The following MAN2A1 variants were observed in gnomAD, a reference collection of about 807,000 sequenced individuals.
The protein encoded by MAN2A1 is alpha-mannosidase 2.
A neutral mutation model predicts 142.6 loss-of-function variants in MAN2A1; 76 were observed. That is an observed-to-expected ratio of 0.53 (90% CI 0.44 to 0.65). The LOEUF (loss-of-function observed/expected upper bound fraction) is 0.65. MAN2A1 is among the 30% of genes least tolerant of loss of function. The pLI is 0.00. For missense variants in MAN2A1, 1,311 were observed against 1,365.1 expected (o/e 0.96, Z 0.62); for synonymous variants, 559 against 473.2 (o/e 1.18, Z -2.35).
At position 109,767,546 on chromosome 5, in the gene MAN2A1, C is replaced by T. The variant is rs746639051; in HGVS notation, c.847C>T (p.Arg283Trp). The change falls in exon 6 of 22, where the codon CGG becomes TGG. Residue 283 changes from arginine to tryptophan, a missense_variant. Physicochemically the swap from Arg to Trp is moderately radical, Grantham distance 101. This residue lies in a region of MAN2A1 where 409 missense variants were observed against 412.7 expected (regional missense o/e 0.99). Transcript: ENST00000261483. ...ATCTTTATCCACAGGAGTGAAACCT[C>T]GGTCCGGCTGGGCTATTGATCCCTT... Reference protein sequence around the residue: ...WLENNIGVKPRSGWAIDPFGH... With the variant: ...WLENNIGVKPWSGWAIDPFGH... 15 of 1,611,556 alleles carry T rather than the reference C, an allele frequency of 9.3e-6. No individual in the cohort carries two copies. Among genetic ancestry groups the T allele is most frequent in the Middle Eastern group, 1.7e-4 (1 of 6,046 alleles).
At chr5:109,801,035 CT>C (rs1754014919) in intron 12 of MAN2A1, among the ~76,000 whole-genome samples, 1 of 152,272 alleles carries the variant, frequency 6.6e-6, no homozygotes, top group South Asian at 2.1e-4. Flanking sequence ...CCCAATATGA[CT>C]TCTTGTATGT....
intron 8 of MAN2A1, among the ~76,000 whole-genome samples, chr5:109,780,815 A>G (rs1753436448): frequency 6.6e-6 from 1 of 152,048 alleles, no homozygotes; most frequent in African/African-American, 2.4e-5. Context: ...TTTAACTTCT[A>G]CTCAGTGTTA....
At chr5:109,828,573 T>G (rs564291224) in intron 16 of MAN2A1, among the ~76,000 whole-genome samples, 1 of 152,368 alleles carries the variant, frequency 6.6e-6, no homozygotes, top group East Asian at 1.9e-4. Flanking sequence ...TTTGAAGAAT[T>G]AGGTCACTGT....
At chr5:109,729,601 T>C in intron 4 of MAN2A1, 88 bp downstream of exon 4, 1 of 696,972 alleles carries the variant, frequency 1.4e-6, no homozygotes, top group Non-Finnish European at 2.2e-6. Flanking sequence ...TGGTGAAAAT[T>C]CTTAGCTTTA....
chr5:109,759,454 G>A (rs576118580), intron 5 of MAN2A1, among the ~76,000 whole-genome samples: 11 of 152,244 alleles, frequency 7.2e-5, no homozygotes, highest in African/African-American at 2.2e-4. Flanking sequence ...CATTCTTGTT[G>A]TGTATGTTGG....
chr5:109,744,359 A>G (rs1316955271), intron 4 of MAN2A1, among the ~76,000 whole-genome samples: 1 of 152,160 alleles, frequency 6.6e-6, no homozygotes, highest in Non-Finnish European at 1.5e-5. Context: ...TAGCCAGTCA[A>G]GAAGTGGGTG....
intron 4 of MAN2A1, among the ~76,000 whole-genome samples, chr5:109,740,010 TG>T (rs1429019074): frequency 1.3e-5 from 2 of 152,202 alleles, no homozygotes; most frequent in Non-Finnish European, 2.9e-5. Context: ...AGACTCTTCC[TG>T]TAATAAGATC....
intron 4 of MAN2A1, among the ~76,000 whole-genome samples, chr5:109,738,282 T>C (rs991617735): frequency 1.3e-5 from 2 of 151,138 alleles, no homozygotes; most frequent in African/African-American, 4.9e-5. Context: ...TTGGCTTCTG[T>C]ATTAGCTCAT....
intron 3 of MAN2A1, among the ~76,000 whole-genome samples, chr5:109,721,615 G>A (rs1245979485): frequency 2.0e-5 from 3 of 152,082 alleles, no homozygotes; most frequent in Admixed American, 6.6e-5. Context: ...GTTAAATGGC[G>A]CTGTATGGCT....
chr5:109,801,537 G>A (rs913471566), intron 12 of MAN2A1, among the ~76,000 whole-genome samples: 1 of 152,078 alleles, frequency 6.6e-6, no homozygotes, highest in African/African-American at 2.4e-5. Flanking sequence ...ATCAATAAAG[G>A]AGAAAGAGAT....
At chr5:109,864,731 T>G (rs1561548530) in intron 20 of MAN2A1, 1 of 241,272 alleles carries the variant, frequency 4.1e-6, no homozygotes, top group Admixed American at 5.2e-5. Context: ...TAAACTTTAA[T>G]AAAACAATAT....
chr5:109,779,911 A>G (rs1753405895), intron 8 of MAN2A1, among the ~76,000 whole-genome samples: 1 of 152,160 alleles, frequency 6.6e-6, no homozygotes, highest in East Asian at 1.9e-4. Flanking sequence ...TTTGCTGTAA[A>G]AATATATTGC....
chr5:109,860,466 C>T (rs1230194593), intron 20 of MAN2A1, among the ~76,000 whole-genome samples: 1 of 152,148 alleles, frequency 6.6e-6, no homozygotes, highest in Non-Finnish European at 1.5e-5. Flanking sequence ...AATTTTCCCA[C>T]CAGATGTGTA....
At chr5:109,734,282 T>A (rs1406651771) in intron 4 of MAN2A1, among the ~76,000 whole-genome samples, 3 of 148,946 alleles carry the variant, frequency 2.0e-5, no homozygotes, top group African/African-American at 4.9e-5. Context: ...GCTAGCGGTC[T>A]ATCAATTTTG....
At chr5:109,693,607 C>T (rs1030138383) in intron 1 of MAN2A1, among the ~76,000 whole-genome samples, 1 of 151,750 alleles carries the variant, frequency 6.6e-6, no homozygotes, top group Admixed American at 6.6e-5. Context: ...GGGGTTTGTT[C>T]TTTTTCTCTT....
At chr5:109,705,865 T>C (rs974258794) in intron 1 of MAN2A1, among the ~76,000 whole-genome samples, 3 of 152,216 alleles carry the variant, frequency 2.0e-5, no homozygotes, top group Admixed American at 2.0e-4. Flanking sequence ...TCTGATTTCT[T>C]GTGTCCTCAC....
At chr5:109,770,254 G>A in intron 6 of MAN2A1, 101 bp from the exon 7 acceptor site, 1 of 1,100,810 alleles carries the variant, frequency 9.1e-7, no homozygotes, top group Non-Finnish European at 1.3e-6. Flanking sequence ...TTAGCACAGA[G>A]CTAAATCAGC....
rs531455592 is a variant in MAN2A1 at position 109,772,364 on chromosome 5, G to A, written c.1196+1823G>A. ...AGCCTGGGTGACAGAGTGAGACTTC[G>A]TCTCTAAAATAAACAAACAAACAAA... On this transcript the variant is annotated intron_variant, in intron 7 of 21. Transcript: ENST00000261483. 1.0e-3 allele frequency among the ~76,000 whole-genome samples: 156 copies of A among 152,300 alleles called. 1 individual carries two copies. The highest frequency in any genetic ancestry group is 1.8e-3 in the Non-Finnish European group (123 of 68,024).
chr5:109,812,341 A>G (rs532023625), intron 12 of MAN2A1, among the ~76,000 whole-genome samples: 3 of 152,218 alleles, frequency 2.0e-5, no homozygotes, highest in South Asian at 2.1e-4. Context: ...AAGATCTAGT[A>G]TAACTCAAAA....
Sources: allele counts gnomAD v4.1 joint callset (sites outside exome capture counted in the v4.1 genomes callset), GRCh38; gene constraint gnomAD v4.1.1; regional missense constraint gnomAD v4.1.1; transcripts MANE v1.5; gene names NCBI Gene and HGNC (gene_info 2026-07-23, HGNC 2026-07-21).